Variants in OSBPL10 observed in about 807,000 individuals in gnomAD.
OSBPL10 encodes oxysterol-binding protein-related protein 10.
OSBPL10 carries 49 observed loss-of-function variants against 81.7 expected under a neutral mutation model. The observed-to-expected ratio is 0.60, with a 90% CI of 0.48 to 0.76. The LOEUF (loss-of-function observed/expected upper bound fraction) is 0.76, where lower values mean the gene tolerates loss of function less well. OSBPL10 is among the 30% of genes least tolerant of loss of function. The pLI, the probability that OSBPL10 is intolerant of heterozygous loss-of-function variation, is 0.00. For synonymous variants in OSBPL10, 419 were observed against 383.6 expected (o/e 1.09, Z -1.08); for missense variants, 923 against 987.8 (o/e 0.93, Z 0.88).
At chr3:31,667,533 A>G (rs1455353544) in intron 10 of OSBPL10, among the ~76,000 whole-genome samples, 6 of 152,246 alleles carry the variant, frequency 3.9e-5, no homozygotes, top group African/African-American at 1.4e-4. Flanking sequence ...ATTTGGTTAC[A>G]AACTCTTGTA....
intron 2 of OSBPL10, among the ~76,000 whole-genome samples, chr3:32,005,402 C>G (rs1699194364): frequency 6.6e-6 from 1 of 151,998 alleles, no homozygotes; most frequent in Non-Finnish European, 1.5e-5. Context: ...CCACATTAAT[C>G]TGGAGATTAA....
chr3:31,770,033 G>A (rs1434626441), intron 4 of OSBPL10, among the ~76,000 whole-genome samples: 1 of 152,124 alleles, frequency 6.6e-6, no homozygotes, highest in African/African-American at 2.4e-5. Flanking sequence ...CCTAAGGAAA[G>A]AGTCCTTGAC....
intron 4 of OSBPL10, among the ~76,000 whole-genome samples, chr3:31,802,339 T>C (rs946626364): frequency 2.0e-5 from 3 of 150,612 alleles, no homozygotes; most frequent in Admixed American, 6.6e-5. Context: ...GGACAGATCA[T>C]CTGAGGTCAG....
At chr3:31,878,145 G>A (rs1701525320) in intron 2 of OSBPL10, among the ~76,000 whole-genome samples, 1 of 151,938 alleles carries the variant, frequency 6.6e-6, no homozygotes, top group South Asian at 2.1e-4. Flanking sequence ...CTCTATATTT[G>A]CTATTAAAAT....
intron 1 of OSBPL10, among the ~76,000 whole-genome samples, chr3:31,953,952 G>C (rs1697940424): frequency 6.6e-6 from 1 of 152,212 alleles, no homozygotes; most frequent in African/African-American, 2.4e-5. Context: ...AGCAGCTTCA[G>C]TGCTGTGGTT....
At position 31,748,022 on chromosome 3, in the gene OSBPL10, C is replaced by T. The variant is rs146988536; in HGVS notation, c.828G>A (p.Leu276=). The T allele has an allele frequency of 1.9e-6, 3 of 1,614,088 alleles. No individual in the cohort carries two copies. In the African/African-American group the frequency reaches 4.0e-5, roughly 22 times the overall value. Residue 276 remains leucine (L), a synonymous_variant, in exon 5 of 12, where the codon CTG becomes CTA. Transcript: ENST00000396556. ...GPLTALDQDL[L]LLKATSAATL... Reference sequence around the variant, plus strand: ...TGGCAGCAGAGGTAGCTTTCAGGAGCAGCAGGTCCTGGTCCAAGGCAGTGA... The same window carrying T: ...TGGCAGCAGAGGTAGCTTTCAGGAGTAGCAGGTCCTGGTCCAAGGCAGTGA...
chr3:31,844,804 T>C (rs1038022125), intron 3 of OSBPL10, among the ~76,000 whole-genome samples: 2 of 152,260 alleles, frequency 1.3e-5, no homozygotes, highest in African/African-American at 4.8e-5. Flanking sequence ...CCAGGCACAG[T>C]GGCTCACGCC....
At chr3:31,987,031 AT>A (rs1698943621) in intron 2 of OSBPL10, among the ~76,000 whole-genome samples, 1 of 152,048 alleles carries the variant, frequency 6.6e-6, no homozygotes, top group South Asian at 2.1e-4. Context: ...CTAAAAAATT[AT>A]TTCTAAACCA....
intron 8 of OSBPL10, among the ~76,000 whole-genome samples, chr3:31,678,958 C>T (rs1427812489): frequency 6.6e-6 from 1 of 152,104 alleles, no homozygotes; most frequent in African/African-American, 2.4e-5. Flanking sequence ...ATCATGTCTA[C>T]CCTCAGCGAC....
At chr3:31,795,983 G>A (rs930141087) in intron 4 of OSBPL10, 9 of 215,328 alleles carry the variant, frequency 4.2e-5, no homozygotes, top group East Asian at 1.2e-4. Context: ...TCTGCACTTC[G>A]TGTTCATACA....
intron 1 of OSBPL10, among the ~76,000 whole-genome samples, chr3:31,908,948 G>C (rs1439565326): frequency 6.6e-6 from 1 of 152,034 alleles, no homozygotes; most frequent in Non-Finnish European, 1.5e-5. Context: ...ACAGGAAGCA[G>C]AGCCAGGTCA....
At chr3:31,728,186 C>T (rs557915833) in intron 6 of OSBPL10, among the ~76,000 whole-genome samples, 5 of 152,292 alleles carry the variant, frequency 3.3e-5, no homozygotes, top group East Asian at 1.9e-4. Flanking sequence ...AGTTTTTCTA[C>T]GCCTGCTAGA....
At chr3:31,674,648 C>T (rs1700416275) in intron 8 of OSBPL10, among the ~76,000 whole-genome samples, 1 of 152,018 alleles carries the variant, frequency 6.6e-6, no homozygotes. Flanking sequence ...TCCGACACCT[C>T]CCCCACCTTG....
At position 31,980,942 on chromosome 3, in the gene OSBPL10, C is replaced by G; in HGVS notation, c.238G>C (p.Val80Leu). The stretch of plus-strand genomic sequence containing the variant: ...AGGAGGTTGGTGTATTTGCTGAGCA[C>G]GCCCTCGAGCGCCGGCTCCCTCCTG... ...GRRREPALEG[V>L]LSKYTNLLQG... The change falls in exon 1 of 12, where the codon GTG (valine) becomes CTG (leucine). Residue 80 changes from valine to leucine, a missense_variant. Val to Leu is a conservative substitution (Grantham distance 32, BLOSUM62 1). Coordinates refer to ENST00000396556, the MANE Select transcript of OSBPL10 (RefSeq NM_017784.5). The G allele has an allele frequency of 4.4e-6, 7 of 1,579,086 alleles. No homozygotes were observed. The highest frequency in any genetic ancestry group is 6.0e-6 in the Non-Finnish European group (7 of 1,166,364).
chr3:31,981,322 A>G (rs1170553821), upstream of OSBPL10: 8 of 1,245,636 alleles, frequency 6.4e-6, no homozygotes, highest in South Asian at 3.0e-5. The surrounding 1 kb of genome is among the most constrained non-coding windows in gnomAD (Gnocchi z 4.5). Context: ...TACAGGAGGA[A>G]GAGGAGGAGG....
intron 1 of OSBPL10, among the ~76,000 whole-genome samples, chr3:31,888,305 A>C (rs1695796031): frequency 1.3e-5 from 2 of 152,220 alleles, no homozygotes; most frequent in Admixed American, 6.5e-5. Context: ...TATCCTATAC[A>C]AAAATCAACT....
intron 4 of OSBPL10, among the ~76,000 whole-genome samples, chr3:31,787,781 T>C (rs1471245476): frequency 2.6e-5 from 4 of 152,148 alleles, no homozygotes; most frequent in Admixed American, 2.6e-4. Context: ...ATTTGAAATC[T>C]ACATGCCTTC....
At position 32,018,225 on chromosome 3, in the gene OSBPL10, C is replaced by G. The variant is rs150979090; in HGVS notation, n.298+28266G>C. Reference sequence around the variant, plus strand: ...AAAAATTATGAAATAATTACAGGGACAAATGTGATTGTTAAACTATGATGG... The same window carrying G: ...AAAAATTATGAAATAATTACAGGGAGAAATGTGATTGTTAAACTATGATGG... On this transcript the variant is annotated intron_variant and non_coding_transcript_variant, in intron 2 of 3. Transcript: ENST00000479173. Among the ~76,000 whole-genome samples the G allele has an allele frequency of 5.8e-3, 889 of 152,016 alleles. 4 individuals carry two copies. Among genetic ancestry groups the G allele is most frequent in the African/African-American group, 0.02 (839 of 41,498 alleles).
intron 2 of OSBPL10, among the ~76,000 whole-genome samples, chr3:32,040,375 C>G (rs1187372839): frequency 6.6e-6 from 1 of 152,094 alleles, no homozygotes; most frequent in Non-Finnish European, 1.5e-5. Context: ...CCACTGCACT[C>G]CAGCCTAGGC....
Sources: allele counts gnomAD v4.1 joint callset (sites outside exome capture counted in the v4.1 genomes callset), GRCh38; gene constraint gnomAD v4.1.1; non-coding constraint Gnocchi (gnomAD v3.1); transcripts MANE v1.5; gene names NCBI Gene and HGNC (gene_info 2026-07-23, HGNC 2026-07-21).